The following RCSD1 variants were observed in gnomAD, a reference collection of about 807,000 sequenced individuals.
RCSD1 encodes capZ-interacting protein.
RCSD1 carries 26 observed loss-of-function variants against 42.5 expected under a neutral mutation model. The observed-to-expected ratio is 0.61, with a 90% CI of 0.45 to 0.85. RCSD1 has a LOEUF of 0.85. Ranked by LOEUF, RCSD1 falls within the 40% of genes least tolerant of loss-of-function variation. RCSD1 has a pLI of 0.00. For missense variants in RCSD1, 571 were observed against 528.3 expected, an observed-to-expected ratio of 1.08 and a Z score of -0.79; for synonymous variants, 220 against 212.2, an observed-to-expected ratio of 1.04 and a Z score of -0.32.
intron 6 of RCSD1, among the ~76,000 whole-genome samples, chr1:167,702,648 G>A (rs1407397869): frequency 6.6e-6 from 1 of 152,058 alleles, no homozygotes; most frequent in African/African-American, 2.4e-5. Flanking sequence ...GGGTGGTGGC[G>A]TGTGCCTGTA....
At chr1:167,685,367 G>A (rs1659200750) in intron 2 of RCSD1, 54 bp from the exon 3 acceptor site, 2 of 1,434,696 alleles carry the variant, frequency 1.4e-6, no homozygotes. Flanking sequence ...CCTCCCTGTT[G>A]CCTGATCAGT....
At chr1:167,643,876 C>G (rs558675518) in intron 1 of RCSD1, among the ~76,000 whole-genome samples, 3 of 152,268 alleles carry the variant, frequency 2.0e-5, no homozygotes, top group East Asian at 3.9e-4. Flanking sequence ...AAGAGAACAG[C>G]CTCCTGCGCT....
chr1:167,672,034 C>T (rs993907208), intron 1 of RCSD1, among the ~76,000 whole-genome samples: 2 of 152,144 alleles, frequency 1.3e-5, no homozygotes, highest in African/African-American at 4.8e-5. Context: ...TTCACCATGT[C>T]CTTCTGCAAT....
At chr1:167,668,804 G>A (rs1658724467) in intron 1 of RCSD1, among the ~76,000 whole-genome samples, 5 of 152,054 alleles carry the variant, frequency 3.3e-5, no homozygotes. Context: ...GGTGGGGAAG[G>A]GGAGCTTCAC....
chr1:167,630,675 A>C (rs1024008852), intron 1 of RCSD1: 99 of 190,960 alleles, frequency 5.2e-4, no homozygotes, highest in Non-Finnish European at 8.0e-4. Context: ...GGGAGAGAAA[A>C]GGGCTTTCCT....
chr1:167,693,811 T>C (rs534064992), intron 4 of RCSD1, among the ~76,000 whole-genome samples: 2 of 152,292 alleles, frequency 1.3e-5, no homozygotes, highest in South Asian at 2.1e-4. Flanking sequence ...CGCCACTTTG[T>C]TGATAAGTTG....
chr1:167,702,028 A>G (rs1371222286), intron 6 of RCSD1, among the ~76,000 whole-genome samples: 1 of 152,226 alleles, frequency 6.6e-6, no homozygotes, highest in African/African-American at 2.4e-5. Flanking sequence ...TAGATTGATC[A>G]GACAAACTAA....
intron 1 of RCSD1, 79 bp downstream of exon 1, chr1:167,630,508 G>T: frequency 7.2e-7 from 1 of 1,393,848 alleles, no homozygotes; most frequent in Non-Finnish European, 9.5e-7. Flanking sequence ...GGCTGCCCCT[G>T]CCCTGAGCAT....
chr1:167,695,443 A>G (rs1659476270), intron 5 of RCSD1, among the ~76,000 whole-genome samples: 1 of 152,232 alleles, frequency 6.6e-6, no homozygotes, highest in South Asian at 2.1e-4. Flanking sequence ...CCAAGTATTC[A>G]TTCCATACTT....
intron 1 of RCSD1, among the ~76,000 whole-genome samples, chr1:167,647,907 T>A (rs1478888278): frequency 6.6e-6 from 1 of 152,208 alleles, no homozygotes; most frequent in Non-Finnish European, 1.5e-5. Flanking sequence ...TTCATCATCT[T>A]AACACAACTA....
At chr1:167,669,169 A>C (rs1658740746) in intron 1 of RCSD1, among the ~76,000 whole-genome samples, 1 of 152,268 alleles carries the variant, frequency 6.6e-6, no homozygotes, top group African/African-American at 2.4e-5. Flanking sequence ...AAACACCTTG[A>C]TTTATGGATA....
At chr1:167,690,776 C>A (rs1459087174) in intron 4 of RCSD1, among the ~76,000 whole-genome samples, 1 of 152,184 alleles carries the variant, frequency 6.6e-6, no homozygotes, top group Admixed American at 6.5e-5. Context: ...CTGAATGCAG[C>A]CACAAACCAT....
At chr1:167,635,035 C>A (rs1657803664) in intron 1 of RCSD1, among the ~76,000 whole-genome samples, 1 of 151,944 alleles carries the variant, frequency 6.6e-6, no homozygotes, top group Non-Finnish European at 1.5e-5. Flanking sequence ...CTTTTTACTT[C>A]AGTAAACATT....
intron 1 of RCSD1, among the ~76,000 whole-genome samples, chr1:167,650,547 A>G (rs1245630247): frequency 6.6e-6 from 1 of 152,144 alleles, no homozygotes; most frequent in Non-Finnish European, 1.5e-5. Context: ...GGTACCCCAG[A>G]GGCCTACCAG....
At position 167,704,695 on chromosome 1, in the gene RCSD1, G is replaced by A. The variant is rs1446161114; in HGVS notation, c.1250G>A (p.Ter417=). ...ACTCCTGTCCAGGACACTAAAATGT[G>A]AAGAACAGCTCATTGTGCCCCAGTG... The part of the protein sequence containing the change: ...DDTPVQDTKM[*] Residue 417 remains the stop codon, a stop_retained_variant, in exon 7 of 7, where the codon TGA becomes TAA. Coordinates refer to ENST00000367854, the MANE Select transcript of RCSD1 (RefSeq NM_052862.4). The A allele has an allele frequency of 6.2e-7, 1 of 1,612,736 alleles. No individual in the cohort carries two copies. Among genetic ancestry groups the A allele is most frequent in the African/African-American group, 1.3e-5 (1 of 75,026 alleles).
At chr1:167,636,140 C>T (rs1265413095) in intron 1 of RCSD1, among the ~76,000 whole-genome samples, 1 of 152,176 alleles carries the variant, frequency 6.6e-6, no homozygotes, top group African/African-American at 2.4e-5. Flanking sequence ...ATTGTGGAAA[C>T]AGCTGGCTAA....
At chr1:167,657,784 T>G (rs1243243634) in intron 1 of RCSD1, among the ~76,000 whole-genome samples, 2 of 152,162 alleles carry the variant, frequency 1.3e-5, no homozygotes, top group Non-Finnish European at 2.9e-5. Context: ...ATTAAAATTT[T>G]TTTTCTTTAT....
At chr1:167,671,557 A>C (rs1658806796) in intron 1 of RCSD1, among the ~76,000 whole-genome samples, 1 of 152,184 alleles carries the variant, frequency 6.6e-6, no homozygotes, top group Non-Finnish European at 1.5e-5. Context: ...AGCTGAACCC[A>C]GTGAAAAGAT....
intron 1 of RCSD1, among the ~76,000 whole-genome samples, chr1:167,652,532 A>G (rs1257091229): frequency 6.6e-6 from 1 of 152,256 alleles, no homozygotes; most frequent in Admixed American, 6.5e-5. Flanking sequence ...ACAGACCAAC[A>G]GTTGCTGCCC....
Sources: gnomAD v4.1 joint callset for allele counts (sites outside exome capture counted in the v4.1 genomes callset) on GRCh38, gnomAD v4.1.1 for gene constraint, MANE v1.5 for transcripts, NCBI Gene and HGNC (gene_info 2026-07-23, HGNC 2026-07-21) for gene names.